CNTN3: variants seen among roughly 807,000 people sequenced by gnomAD.
CNTN3 encodes the protein contactin-3.
A neutral mutation model predicts 119.1 loss-of-function variants in CNTN3; 60 were observed. The ratio of observed to expected loss-of-function variants is 0.50; its 90% CI spans 0.41 to 0.62. The LOEUF (loss-of-function observed/expected upper bound fraction) is 0.62. CNTN3 is among the 20% of genes least tolerant of loss of function. CNTN3 has a pLI of 0.00. For missense variants in CNTN3, 1,101 were observed against 1,242.4 expected (o/e 0.89, Z 1.71); for synonymous variants, 450 against 438.7 (o/e 1.03, Z -0.32).
chr3:74,450,088 C>T, intron 4 of CNTN3, among the ~76,000 whole-genome samples: 1 of 151,936 alleles, frequency 6.6e-6, no homozygotes, highest in East Asian at 1.9e-4. Flanking sequence ...TGCTGGGAGG[C>T]TAATGAAAAT....
At chr3:74,297,906 C>A in intron 18 of CNTN3, 51 bp downstream of exon 18, 2 of 1,402,432 alleles carry the variant, frequency 1.4e-6, no homozygotes, top group Admixed American at 1.9e-5. Flanking sequence ...GTTTTTGGAG[C>A]ACAAATAATT....
At position 74,541,838 on chromosome 3, in the gene CNTN3, A is replaced by G. The variant is rs145403722; in HGVS notation, c.-80-20646T>C. Among the ~76,000 whole-genome samples, 362 of 152,366 alleles carry G rather than the reference A, an allele frequency of 2.4e-3. 4 individuals carry two copies. The highest frequency in any genetic ancestry group is 8.1e-3 in the African/African-American group (338 of 41,590). ...GAACTCTATAAAGCTGTAGATTAGA[A>G]CAAAGAGTTCAGGTAGAATACAATG... On this transcript the variant is annotated intron_variant, in intron 1 of 22. Coordinates refer to ENST00000263665, the MANE Select transcript of CNTN3 (RefSeq NM_020872.3).
At chr3:74,463,009 T>A (rs1702399874) in intron 4 of CNTN3, among the ~76,000 whole-genome samples, 1 of 152,164 alleles carries the variant, frequency 6.6e-6, no homozygotes, top group South Asian at 2.1e-4. Flanking sequence ...ATGGGTCGAT[T>A]AAGGGCAAGA....
rs570755724 is a variant in CNTN3 at position 74,505,694 on chromosome 3, A to C, written c.56-5909T>G. Among the ~76,000 whole-genome samples the C allele has an allele frequency of 7.8e-4, 119 of 152,232 alleles. 3 individuals are homozygous for C. The East Asian group carries it at 0.022, about 28-fold the overall frequency. The stretch of plus-strand genomic sequence containing the variant: ...GCTATACTGTAACCAATGCTCTAGA[A>C]AAAAAGAAAAAGGTAATATAATACA... On this transcript the variant is annotated intron_variant, in intron 2 of 22. Transcript: ENST00000263665.
rs144705223 is a variant in CNTN3, at chr3:74,395,293, C to T, written c.455-23894G>A. 4.5e-3 allele frequency among the ~76,000 whole-genome samples: 682 copies of T among 152,134 alleles called. 10 individuals carry two copies. Among genetic ancestry groups the T allele is most frequent in the African/African-American group, 0.016 (647 of 41,514 alleles). Reference sequence around the variant, plus strand: ...AGGGCATCATACATGCTTTGAAGAACATAACCAAGACTGACTTGATTCAGG... The same window carrying T: ...AGGGCATCATACATGCTTTGAAGAATATAACCAAGACTGACTTGATTCAGG... On this transcript the variant is annotated intron_variant, in intron 5 of 22. Transcript: ENST00000263665.
chr3:74,562,419 C>T (rs376058322), intron 1 of CNTN3, among the ~76,000 whole-genome samples: 12 of 152,236 alleles, frequency 7.9e-5, no homozygotes, highest in South Asian at 6.2e-4. Flanking sequence ...AAAGCACACA[C>T]GTCATTATTC....
intron 1 of CNTN3, among the ~76,000 whole-genome samples, chr3:74,607,293 G>A (rs765412690): frequency 3.9e-5 from 6 of 152,048 alleles, no homozygotes; most frequent in South Asian, 2.1e-4. Flanking sequence ...TCAGGGAGGC[G>A]GCCAGACCAA....
chr3:74,517,792 C>T (rs1330729199), intron 2 of CNTN3, among the ~76,000 whole-genome samples: 1 of 151,826 alleles, frequency 6.6e-6, no homozygotes, highest in Non-Finnish European at 1.5e-5. Flanking sequence ...ATTCTCCATA[C>T]TTCATCCTTA....
intron 1 of CNTN3, among the ~76,000 whole-genome samples, chr3:74,552,362 T>C (rs1704004613): frequency 1.3e-5 from 2 of 152,318 alleles, no homozygotes; most frequent in South Asian, 2.1e-4. Context: ...CCTCATTTTT[T>C]AGGAGACTGC....
intron 4 of CNTN3, among the ~76,000 whole-genome samples, chr3:74,456,398 A>G (rs1021188361): frequency 6.6e-6 from 1 of 152,100 alleles, no homozygotes. Context: ...TCCTAAAGAC[A>G]GCTCTCTGTA....
chr3:74,481,761 A>G (rs1702768373), intron 4 of CNTN3, among the ~76,000 whole-genome samples: 1 of 151,878 alleles, frequency 6.6e-6, no homozygotes, highest in Non-Finnish European at 1.5e-5. Context: ...AATGAATGAA[A>G]CAGAGTGTAG....
intron 1 of CNTN3, among the ~76,000 whole-genome samples, chr3:74,532,148 C>G (rs567110555): frequency 2.0e-5 from 3 of 152,008 alleles, no homozygotes; most frequent in East Asian, 3.9e-4. Context: ...GGATCAGCCA[C>G]ATAGTGGTGG....
At chr3:74,402,103 T>A (rs1189486736) in intron 5 of CNTN3, among the ~76,000 whole-genome samples, 1 of 152,160 alleles carries the variant, frequency 6.6e-6, no homozygotes, top group Admixed American at 6.5e-5. Context: ...TGTGGATATA[T>A]TATAGGGTAG....
intron 1 of CNTN3, among the ~76,000 whole-genome samples, chr3:74,553,737 TC>T: frequency 6.6e-6 from 1 of 152,354 alleles, no homozygotes; most frequent in Non-Finnish European, 1.5e-5. Context: ...TCTGTTCATG[TC>T]CTTTGCCCAT....
chr3:74,606,048 A>C (rs537631167), intron 1 of CNTN3, among the ~76,000 whole-genome samples: 1 of 152,242 alleles, frequency 6.6e-6, no homozygotes, highest in African/African-American at 2.4e-5. Context: ...CCCTCAAAAA[A>C]AAGTGTGAGT....
chr3:74,588,379 C>T (rs1027747875), intron 1 of CNTN3, among the ~76,000 whole-genome samples: 11 of 152,084 alleles, frequency 7.2e-5, no homozygotes, highest in Non-Finnish European at 5.9e-5. Context: ...AATAAAATAC[C>T]TAGGAATCCA....
chr3:74,351,707 T>A (rs1410635716), intron 11 of CNTN3, among the ~76,000 whole-genome samples: 1 of 152,160 alleles, frequency 6.6e-6, no homozygotes, highest in Non-Finnish European at 1.5e-5. Flanking sequence ...GTCTGGTGGC[T>A]AATAGGGGAA....
chr3:74,372,458 T>C (rs1488797), intron 5 of CNTN3, among the ~76,000 whole-genome samples: 94,296 of 151,844 alleles, frequency 0.62, 29,940 homozygotes, highest in African/African-American at 0.76. Context: ...GGTTGTTCAG[T>C]GCCAAGTTGA....
intron 5 of CNTN3, among the ~76,000 whole-genome samples, chr3:74,392,109 G>T (rs917693014): frequency 1.3e-5 from 2 of 152,124 alleles, no homozygotes; most frequent in African/African-American, 4.8e-5. Flanking sequence ...TAAGAAGAAG[G>T]GGGAAGTGAA....
Sources: allele counts gnomAD v4.1 joint callset (sites outside exome capture counted in the v4.1 genomes callset), GRCh38; gene constraint gnomAD v4.1.1; transcripts MANE v1.5; gene names NCBI Gene and HGNC (gene_info 2026-07-23, HGNC 2026-07-21).